SOCS2: variants seen among roughly 807,000 people sequenced by gnomAD.
SOCS2 encodes CIS-2.
Under a neutral mutation model 18.6 loss-of-function variants are expected in SOCS2, and 10 were observed. The observed-to-expected ratio is 0.54, with a 90% CI of 0.33 to 0.91. SOCS2 has a LOEUF of 0.91. SOCS2 is among the 40% of genes least tolerant of loss of function. The pLI is 0.02. For synonymous variants in SOCS2, 104 were observed against 104.0 expected (o/e 1.00, Z 0.00); for missense variants, 231 against 247.2 (o/e 0.93, Z 0.44).
downstream of SOCS2, among the ~76,000 whole-genome samples, chr12:93,578,831 T>C (rs1462709213): frequency 2.0e-5 from 3 of 152,294 alleles, no homozygotes; most frequent in East Asian, 5.8e-4. Context: ...GCCGAGACTC[T>C]TCTTTGCTTT....
the SOCS2 span, among the ~76,000 whole-genome samples, chr12:93,588,937 G>A: frequency 6.6e-6 from 1 of 152,096 alleles, no homozygotes. Flanking sequence ...GAGTGAATTT[G>A]TTGATAGATC....
chr12:93,584,872 C>T (rs986992520), downstream of SOCS2, among the ~76,000 whole-genome samples: 8 of 152,114 alleles, frequency 5.3e-5, no homozygotes, highest in African/African-American at 1.7e-4. Flanking sequence ...AAGTGATTCT[C>T]TCGCCTCAGC....
the SOCS2 span, among the ~76,000 whole-genome samples, chr12:93,600,604 T>C: frequency 3.9e-5 from 6 of 152,122 alleles, no homozygotes; most frequent in Non-Finnish European, 8.8e-5. Context: ...ATCCCATACA[T>C]GAACATGAAT....
At chr12:93,617,152 G>A in the SOCS2 span, among the ~76,000 whole-genome samples, 13 of 152,158 alleles carry the variant, frequency 8.5e-5, no homozygotes, top group African/African-American at 3.1e-4. Context: ...CTGGTTGCAA[G>A]CCTCTGAGAT....
the SOCS2 span, among the ~76,000 whole-genome samples, chr12:93,603,463 G>A: frequency 5.3e-5 from 8 of 152,166 alleles, no homozygotes; most frequent in Non-Finnish European, 8.8e-5. Flanking sequence ...TACAGCCTAC[G>A]GTTTTGACCA....
chr12:93,574,875 A>C lies in SOCS2; in HGVS notation c.293A>C (p.Glu98Ala). The C allele has an allele frequency of 6.2e-7, 1 of 1,614,248 alleles. No homozygotes were observed. Among genetic ancestry groups the C allele is most frequent in the Non-Finnish European group, 8.5e-7 (1 of 1,180,042 alleles). The change falls in exon 2 of 2, where the codon GAA (glutamate) becomes GCA (alanine). Residue 98 changes from glutamate to alanine, a missense_variant. By Grantham distance (107) the Glu-to-Ala change is moderately radical. Around this residue, in one of 3 missense-constraint regions of SOCS2, gnomAD observed 122 missense variants for 127.2 expected, o/e 0.96. Transcript: ENST00000551556. ...GCTGGACCAACTAATCTTCGAATCG[A>C]ATACCAAGACGGAAAATTCAGATTG... ...TSAGPTNLRI[E>A]YQDGKFRLDS...
chr12:93,605,127 G>C, the SOCS2 span, among the ~76,000 whole-genome samples: 5 of 152,006 alleles, frequency 3.3e-5, no homozygotes, highest in Non-Finnish European at 5.9e-5. Context: ...TTAAAATTGT[G>C]TTTATAATGT....
downstream of SOCS2, among the ~76,000 whole-genome samples, chr12:93,584,181 T>A (rs890032525): frequency 1.5e-4 from 23 of 152,200 alleles, no homozygotes; most frequent in Non-Finnish European, 1.5e-5. Flanking sequence ...TTGGTTAACA[T>A]CAGGTTACTC....
chr12:93,579,485 G>A (rs566529088), downstream of SOCS2, among the ~76,000 whole-genome samples: 21 of 151,824 alleles, frequency 1.4e-4, no homozygotes, highest in Non-Finnish European at 1.8e-4. Flanking sequence ...TTTTAAGTAT[G>A]GCAGGCTCCT....
downstream of SOCS2, among the ~76,000 whole-genome samples, chr12:93,583,929 C>CA (rs1396412913): frequency 3.9e-5 from 6 of 152,164 alleles, no homozygotes; most frequent in South Asian, 2.1e-4. Flanking sequence ...TGTCGAAAGA[C>CA]AAAATCACAA....
rs756566780 is a variant in SOCS2 at position 93,572,963 on chromosome 12, C to G, written c.66C>G (p.Thr22=). 3.2e-6 allele frequency: 5 copies of G among 1,568,530 alleles called. No homozygotes were observed. The East Asian group carries it at 1.2e-4, about 37-fold the overall frequency. Residue 22 remains threonine, a synonymous_variant, in exon 1 of 2, where the codon ACC becomes ACG. Transcript: ENST00000551556. This position sits in a 1 kb window ranked among gnomAD's most constrained non-coding sequence, Gnocchi z 5.0. ...AAGGGACGCGGAGCCAGTGGGGGAC[C>G]GCGGGGTCGGCGGAGGAGCCATCCC... ...GGEGTRSQWG[T]AGSAEEPSPQ...
chr12:93,590,078 T>C, the SOCS2 span, among the ~76,000 whole-genome samples: 48,155 of 151,378 alleles, frequency 0.32, 8,173 homozygotes, highest in African/African-American at 0.45. Context: ...ACGATGAAAC[T>C]CCATCTCTAC....
chr12:93,607,921 T>A, the SOCS2 span, among the ~76,000 whole-genome samples: 1 of 151,988 alleles, frequency 6.6e-6, no homozygotes, highest in Non-Finnish European at 1.5e-5. Flanking sequence ...TTCTAAAAAA[T>A]TTATTCTCAA....
At chr12:93,623,932 TG>T in the SOCS2 span, among the ~76,000 whole-genome samples, 8 of 152,290 alleles carry the variant, frequency 5.3e-5, no homozygotes, top group African/African-American at 1.9e-4. Flanking sequence ...CTTGAACTCC[TG>T]ACCTCAGGTG....
At chr12:93,618,680 C>T in the SOCS2 span, among the ~76,000 whole-genome samples, 1 of 152,228 alleles carries the variant, frequency 6.6e-6, no homozygotes, top group East Asian at 1.9e-4. Context: ...TAGGTCCCAG[C>T]TCAAATATCA....
chr12:93,572,053 C>A, upstream of SOCS2: 1 of 203,504 alleles, frequency 4.9e-6, no homozygotes, highest in Non-Finnish European at 1.0e-5. The surrounding 1 kb of genome is among the most constrained non-coding windows in gnomAD (Gnocchi z 5.0). Context: ...CGAGAACCAC[C>A]GCAGCCATCC....
chr12:93,614,543 CTTT>C, the SOCS2 span, among the ~76,000 whole-genome samples: 102 of 26,666 alleles, frequency 3.8e-3, 3 homozygotes, highest in African/African-American at 5.4e-3. Flanking sequence ...TTCCTTCCTT[CTTT>C]CTTTCTTTCT....
chr12:93,621,890 A>C, the SOCS2 span, among the ~76,000 whole-genome samples: 1 of 152,224 alleles, frequency 6.6e-6, no homozygotes. Context: ...TTAACATATG[A>C]ACACCAAAGT....
At chr12:93,579,840 G>A (rs772137819), downstream of SOCS2, among the ~76,000 whole-genome samples, 14 of 152,194 alleles carry the variant, frequency 9.2e-5, no homozygotes, top group Non-Finnish European at 8.8e-5. Context: ...GGCTGGATCA[G>A]CTAAGTGTGC....
Sources: allele counts gnomAD v4.1 joint callset (sites outside exome capture counted in the v4.1 genomes callset), GRCh38; gene constraint gnomAD v4.1.1; regional missense constraint gnomAD v4.1.1; non-coding constraint Gnocchi (gnomAD v3.1); transcripts MANE v1.5; gene names NCBI Gene and HGNC (gene_info 2026-07-23, HGNC 2026-07-21).